The following CHRD variants were observed in gnomAD, a reference collection of about 807,000 sequenced individuals.
The protein encoded by CHRD is chordin.
In CHRD, 69 loss-of-function variants were observed where a neutral mutation model predicts 113.7. The observed-to-expected ratio is 0.61, with a 90% CI of 0.50 to 0.74. The LOEUF is 0.74. Among genes scored for constraint, CHRD ranks in the 30% least tolerant of loss-of-function variants. The pLI, the probability that CHRD is intolerant of heterozygous loss-of-function variation, is 0.00. For missense variants in CHRD, 1,194 were observed against 1,295.8 expected (o/e 0.92, Z 1.21); for synonymous variants, 561 against 540.8 (o/e 1.04, Z -0.52).
chr3:184,388,429 A>G lies in CHRD; in HGVS notation c.2555-158A>G, dbSNP rs1881972. On this transcript the variant is annotated intron_variant, in intron 20 of 22. Coordinates refer to ENST00000204604, the Ensembl canonical transcript of CHRD. The surrounding 1 kb of genome is among the most constrained non-coding windows in gnomAD (Gnocchi z 6.1). ...CATCCATCCATCCATCCATCCATCC[A>G]TCCGTCCCTTCATCCATCCATTCAT... is the stretch of plus-strand genomic sequence containing the variant. Among the ~76,000 whole-genome samples the G allele has an allele frequency of 0.45, 67,172 of 148,978 alleles. 16,293 individuals are homozygous for G. The highest frequency in any genetic ancestry group is 0.65 in the Middle Eastern group (190 of 294).
Position 184,380,871 on chromosome 3 carries a change from G to C in CHRD, c.252+76G>C. On this transcript the variant is annotated intron_variant, in intron 2 of 22. Coordinates refer to ENST00000204604, the Ensembl canonical transcript of CHRD. This position sits in a 1 kb window ranked among gnomAD's most constrained non-coding sequence, Gnocchi z 6.3. ...GTCGCGCGGGCGTCGGAGTGGACTC[G>C]GAGCTGCTGAGAAGGAGCCCAGTCG... is the stretch of plus-strand genomic sequence containing the variant. 1 of 1,144,306 alleles carries C rather than the reference G, an allele frequency of 8.7e-7. No individual in the cohort carries two copies. The highest frequency in any genetic ancestry group is 1.2e-6 in the Non-Finnish European group (1 of 808,178). The allele number at this position is 1,144,306 out of a possible 1,614,324, so 70.9% of individuals were successfully genotyped here. A position where few individuals can be genotyped will look rare whatever the true frequency, so the allele number is the denominator to read the frequency against.
chr3:184,382,658 T>C (rs764422897), exon 8 of CHRD: 1 of 1,613,548 alleles, frequency 6.2e-7, no homozygotes, highest in South Asian at 1.1e-5. Context: ...ATCCTGACTC[T>C]AGAAGGCCCC....
chr3:184,386,564 C>A (rs753939232), exon 16 of CHRD: 1 of 1,555,544 alleles, frequency 6.4e-7, no homozygotes, highest in East Asian at 2.4e-5. Flanking sequence ...GGTGCGGGCG[C>A]TGGGGGCTCC....
Position 184,388,652 on chromosome 3 carries a change from T to C in CHRD, c.2620T>C (p.Phe874Leu), listed in dbSNP as rs1664322727. The change falls in exon 21 of 23, where the codon TTT becomes CTT. Residue 874 changes from phenylalanine (F) to leucine (L), a missense_variant. By Grantham distance (22) the Phe-to-Leu change is conservative. Transcript: ENST00000204604. The surrounding 1 kb of genome is among the most constrained non-coding windows in gnomAD (Gnocchi z 6.1). ...GGCTGATGGGCCCCGGGGCTGCCGT[T>C]TTGCTGGGCAGTGGTTCCCAGAGAG... is the stretch of plus-strand genomic sequence containing the variant. 6.2e-7 allele frequency: 1 copy of C among 1,613,700 alleles called. No homozygotes were observed.
intron 22 of CHRD, 133 bp downstream of exon 22, chr3:184,389,128 A>C: frequency 1.5e-6 from 1 of 685,702 alleles, no homozygotes; most frequent in Non-Finnish European, 2.5e-6. Flanking sequence ...ATTCCAATCC[A>C]CCCTCACAGC....
intron 7 of CHRD, 50 bp downstream of exon 7, chr3:184,382,580 C>G: frequency 6.2e-7 from 1 of 1,611,458 alleles, no homozygotes; most frequent in Non-Finnish European, 8.5e-7. Flanking sequence ...TCTCTATCAC[C>G]CAGGAAAGGG....
Position 184,388,867 on chromosome 3 carries a change from T to C in CHRD, c.2710-26T>C. 6.2e-7 allele frequency: 1 copy of C among 1,607,374 alleles called. No homozygotes were observed. The highest frequency in any genetic ancestry group is 8.5e-7 in the Non-Finnish European group (1 of 1,174,724). The stretch of plus-strand genomic sequence containing the variant: ...GTGTCCCAGTGCCTCTGGGGGACAC[T>C]CAGTGTCTGCTCTGTCTTGTACCAG... On this transcript the variant is annotated intron_variant, in intron 21 of 22. Transcript: ENST00000204604. This position sits in a 1 kb window ranked among gnomAD's most constrained non-coding sequence, Gnocchi z 6.1.
Position 184,381,740 on chromosome 3 carries a change from C to A in CHRD, c.536C>A (p.Pro179Gln). The A allele has an allele frequency of 6.2e-7, 1 of 1,613,168 alleles. No homozygotes were observed. The highest frequency in any genetic ancestry group is 8.5e-7 in the Non-Finnish European group (1 of 1,179,970). The change falls in exon 5 of 23, where the codon CCG becomes CAG. Residue 179 changes from proline (P) to glutamine (Q), a missense_variant. Pro to Gln is a moderately conservative substitution (Grantham distance 76, BLOSUM62 -1). Coordinates refer to ENST00000204604, the Ensembl canonical transcript of CHRD. The surrounding 1 kb of genome is among the most constrained non-coding windows in gnomAD (Gnocchi z 4.7). The stretch of plus-strand genomic sequence containing the variant: ...GACTTCGTGGCGCTGCTGACAGGGC[C>A]GAGGTCGCAGGCGGTGGCACGAGCC...
chr3:184,381,582 G>A lies in CHRD; in HGVS notation c.469G>A (p.Glu157Lys), dbSNP rs779015930. Residue 157 changes from glutamate (E) to lysine (K), a missense_variant, in exon 4 of 23, where the codon GAG becomes AAG. By Grantham distance (56) the Glu-to-Lys change is moderately conservative. Coordinates refer to ENST00000204604, the Ensembl canonical transcript of CHRD. The surrounding 1 kb of genome is among the most constrained non-coding windows in gnomAD (Gnocchi z 4.7). ...GCATCGCAGTTATAGCGACCGCGGG[G>A]AGCCAGGCGCTGAGGAGCGGGCCCG... The A allele has an allele frequency of 3.7e-6, 6 of 1,608,522 alleles. No individual in the cohort carries two copies. The highest frequency in any genetic ancestry group is 1.7e-6 in the Non-Finnish European group (2 of 1,177,708).
At position 184,388,390 on chromosome 3, in the gene CHRD, T is replaced by C. The variant is rs1716695840; in HGVS notation, c.2555-197T>C. ...ATCCACCCATCCACCCATTGATGCA[T>C]CCATCCATCCATCCATCCATCCATC... On this transcript the variant is annotated intron_variant, in intron 20 of 22. Transcript: ENST00000204604. This position sits in a 1 kb window ranked among gnomAD's most constrained non-coding sequence, Gnocchi z 6.1. Among the ~76,000 whole-genome samples, 1 of 49,666 alleles carries C rather than the reference T, an allele frequency of 2.0e-5. No individual in the cohort carries two copies. Among genetic ancestry groups the C allele is most frequent in the East Asian group, 2.6e-4 (1 of 3,840 alleles). 32.6% of individuals were successfully genotyped at this position (49,666 alleles called of 152,430 possible).
chr3:184,386,161 T>C lies in CHRD; in HGVS notation c.1932+2T>C. On this transcript the variant is annotated splice_donor_variant, in intron 15 of 22. Transcript: ENST00000204604. LOFTEE classifies it high-confidence loss of function. Reference sequence around the variant, plus strand: ...CCCAGAGGGGAGCTCCGAGGGCAGGTAGGTGGCGAGTGTGGGCAGTGGGGG... The same window carrying C: ...CCCAGAGGGGAGCTCCGAGGGCAGGCAGGTGGCGAGTGTGGGCAGTGGGGG... The C allele has an allele frequency of 6.2e-7, 1 of 1,613,792 alleles. No homozygotes were observed. Among genetic ancestry groups the C allele is most frequent in the South Asian group, 1.1e-5 (1 of 91,058 alleles).
Position 184,384,071 on chromosome 3 carries a change from G to A in CHRD, c.1440+429G>A, listed in dbSNP as rs189215230. 2.1e-3 allele frequency among the ~76,000 whole-genome samples: 319 copies of A among 152,064 alleles called. 3 individuals carry two copies. Among genetic ancestry groups the A allele is most frequent in the African/African-American group, 7.4e-3 (306 of 41,492 alleles). ...ATTACAGGCGAGAGCCACCGTGCCCGGCATGATTTGACATTTTTAGTGAGC... is the reference window on the plus strand; with the variant it reads ...ATTACAGGCGAGAGCCACCGTGCCCAGCATGATTTGACATTTTTAGTGAGC... On this transcript the variant is annotated intron_variant, in intron 12 of 22. Transcript: ENST00000204604. The surrounding 1 kb of genome is among the most constrained non-coding windows in gnomAD (Gnocchi z 4.4).
rs766381058 is a variant in CHRD at position 184,387,920 on chromosome 3, G to T, written c.2452-11G>T. 4 of 1,607,222 alleles carry T rather than the reference G, an allele frequency of 2.5e-6. No individual in the cohort carries two copies. The Admixed American group carries it at 5.1e-5, about 21-fold the overall frequency. On this transcript the variant is annotated splice_polypyrimidine_tract_variant and intron_variant, in intron 19 of 22. Coordinates refer to ENST00000204604, the Ensembl canonical transcript of CHRD. This position sits in a 1 kb window ranked among gnomAD's most constrained non-coding sequence, Gnocchi z 6.1. ...CCTGCCTGACACTCCTTGCTCAATG[G>T]ATCCCTACAGGGGGGCACTGGAGAG...
At chr3:184,382,250 C>T (rs1715554102) in intron 6 of CHRD, 139 bp from the exon 7 acceptor site, 1 of 1,388,310 alleles carries the variant, frequency 7.2e-7, no homozygotes, top group South Asian at 1.3e-5. Context: ...CATCTGGCTC[C>T]AGCGTTCTTT....
rs748717476 is a variant in CHRD at position 184,380,820 on chromosome 3, G to A, written c.252+25G>A. 3.3e-6 allele frequency: 5 copies of A among 1,531,762 alleles called. No homozygotes were observed. Among genetic ancestry groups the A allele is most frequent in the African/African-American group, 2.7e-5 (2 of 73,406 alleles). 94.9% of individuals were successfully genotyped at this position (1,531,762 alleles called of 1,614,324 possible). On this transcript the variant is annotated intron_variant, in intron 2 of 22. Coordinates refer to ENST00000204604, the Ensembl canonical transcript of CHRD. The surrounding 1 kb of genome is among the most constrained non-coding windows in gnomAD (Gnocchi z 6.3). ...GGTGAGTGCACCCCGCGGCCGGCCCGGGCCCTGGCGGGTGGGGAGCGCCGG... is the reference window on the plus strand; with the variant it reads ...GGTGAGTGCACCCCGCGGCCGGCCCAGGCCCTGGCGGGTGGGGAGCGCCGG...
chr3:184,382,799 G>A (rs74825990), intron 8 of CHRD, 25 bp downstream of exon 8: 42,472 of 1,613,278 alleles, frequency 0.026, 1,528 homozygotes, highest in East Asian at 0.13. Flanking sequence ...GGCAAAACAC[G>A]TGAGAAGGTT....
intron 12 of CHRD, among the ~76,000 whole-genome samples, chr3:184,383,919 G>T (rs1356591360): frequency 6.6e-6 from 1 of 151,924 alleles, no homozygotes; most frequent in Non-Finnish European, 1.5e-5. Flanking sequence ...TGGGACCACA[G>T]GTGTGCACCA....
chr3:184,386,233 T>A, intron 15 of CHRD, 74 bp downstream of exon 15: 1 of 1,473,942 alleles, frequency 6.8e-7, no homozygotes, highest in Non-Finnish European at 9.4e-7. Flanking sequence ...GCCATTGCAC[T>A]AGTCACTTGC....
Position 184,388,876 on chromosome 3 carries a change from GC to G in CHRD, c.2710-16del. On this transcript the variant is annotated splice_polypyrimidine_tract_variant and intron_variant, in intron 21 of 22. Transcript: ENST00000204604. The surrounding 1 kb of genome is among the most constrained non-coding windows in gnomAD (Gnocchi z 6.1). ...TGCCTCTGGGGGACACTCAGTGTCT[GC>G]TCTGTCTTGTACCAGGCAGGGGTGC... 1.2e-6 allele frequency: 2 copies of G among 1,610,982 alleles called. No homozygotes were observed. The highest frequency in any genetic ancestry group is 1.7e-6 in the Non-Finnish European group (2 of 1,177,940).
Sources: allele counts gnomAD v4.1 joint callset (sites outside exome capture counted in the v4.1 genomes callset), GRCh38; gene constraint gnomAD v4.1.1; non-coding constraint Gnocchi (gnomAD v3.1); transcripts MANE v1.5; gene names NCBI Gene and HGNC (gene_info 2026-07-23, HGNC 2026-07-21).